DDX60L: variants seen among roughly 807,000 people sequenced by gnomAD.
DDX60L encodes the protein DExD/H-box 60 like.
DDX60L carries 191 observed loss-of-function variants against 211.6 expected under a neutral mutation model. The ratio of observed to expected loss-of-function variants is 0.90; its 90% CI spans 0.80 to 1.02. The LOEUF is 1.02. Among genes scored for constraint, DDX60L ranks in the 50% least tolerant of loss-of-function variants. The pLI is 0.00. For synonymous variants in DDX60L, 706 were observed against 694.1 expected, an observed-to-expected ratio of 1.02 and a Z score of -0.27; for missense variants, 2,007 against 1,984.1, an observed-to-expected ratio of 1.01 and a Z score of -0.22.
In DDX60L at chr4:168,456,066, T is replaced by G; in HGVS notation, c.810A>C (p.Leu270=). ...AGACACGATGGTACATTCTCAAGGA[T>G]AGTGAACATGAAGTGACACAGAGAA... The part of the protein sequence containing the change: ...QRVLCVTSCS[L]SLRMYHRVLV... The change falls in exon 7 of 38, where the codon CTA becomes CTC. Residue 270 remains leucine, a synonymous_variant. Transcript: ENST00000682922. 6.3e-7 allele frequency: 1 copy of G among 1,595,152 alleles called. No homozygotes were observed.
rs1753828817 is a variant in DDX60L, at chr4:168,441,476, C to A, written c.1155G>T (p.Leu385Phe). The change falls in exon 10 of 38, where the codon TTG becomes TTT. Residue 385 changes from leucine (L) to phenylalanine (F), a missense_variant. Leu to Phe is a conservative substitution (Grantham distance 22). Transcript: ENST00000682922. ...CATAATCCCTCCTAATGGAATCTCCCAAATTCAAATGTGGTTCTGCATAAC... is the reference window on the plus strand; with the variant it reads ...CATAATCCCTCCTAATGGAATCTCCAAAATTCAAATGTGGTTCTGCATAAC... Reference protein sequence around the residue: ...FESTQEPHLNLGDSIRRDYED... With the variant: ...FESTQEPHLNFGDSIRRDYED... 1 of 1,599,544 alleles carries A rather than the reference C, an allele frequency of 6.3e-7. No homozygotes were observed. The highest frequency in any genetic ancestry group is 8.5e-7 in the Non-Finnish European group (1 of 1,173,388).
At chr4:168,358,376 A>G in intron 37 of DDX60L, 100 bp from the exon 38 acceptor site, 2 of 854,940 alleles carry the variant, frequency 2.3e-6, no homozygotes, top group Non-Finnish European at 3.5e-6. Context: ...CCCAAAATCT[A>G]TCAGATGTAA....
rs1301008925 is a variant in DDX60L at position 168,375,401 on chromosome 4, G to A, written c.4609C>T (p.His1537Tyr). ...CTGATTCTTGACAAAGGGAGTTGAT[G>A]CTCTTTTTTCATGTTCACCGACTTG... ...ASKSVNMKKEHQLPLSRIKFT... is the reference protein window; with the variant it reads ...ASKSVNMKKEYQLPLSRIKFT... Residue 1537 changes from histidine (H) to tyrosine (Y), a missense_variant, in exon 34 of 38, where the codon CAT (histidine) becomes TAT (tyrosine). By Grantham distance (83) the His-to-Tyr change is moderately conservative. Coordinates refer to ENST00000682922, the MANE Select transcript of DDX60L (RefSeq NM_001012967.3). 5 of 1,612,484 alleles carry A rather than the reference G, an allele frequency of 3.1e-6. 1 individual carries two copies. The Admixed American group carries it at 5.0e-5, about 16-fold the overall frequency.
At chr4:168,449,626 AAAC>A (rs1305598967) in intron 8 of DDX60L, among the ~76,000 whole-genome samples, 9 of 57,114 alleles carry the variant, frequency 1.6e-4, no homozygotes, top group African/African-American at 3.8e-4. Context: ...AAAAAAAAAA[AAAC>A]ATTAAAACAA....
rs187084475 is a variant in DDX60L, at chr4:168,364,511, A to G, written c.4929-3300T>C. 8.5e-5 allele frequency among the ~76,000 whole-genome samples: 13 copies of G among 152,298 alleles called. No homozygotes were observed. In the East Asian group the frequency reaches 2.5e-3, roughly 29 times the overall value. ...CATCCAGGCGAAAAAATAACAAGGA[A>G]TCATCAGAATTAAACTGCACCATAG... On this transcript the variant is annotated intron_variant, in intron 36 of 37. Coordinates refer to ENST00000682922, the MANE Select transcript of DDX60L (RefSeq NM_001012967.3).
At chr4:168,421,986 C>G (rs1579536810) in intron 16 of DDX60L, 77 bp from the exon 17 acceptor site, 1 of 1,566,342 alleles carries the variant, frequency 6.4e-7, no homozygotes, top group East Asian at 2.2e-5. Flanking sequence ...TCCTTTGTAC[C>G]TTCTGTCTCC....
At chr4:168,416,862 T>C in intron 19 of DDX60L, 65 bp from the exon 20 acceptor site, 2 of 878,418 alleles carry the variant, frequency 2.3e-6, no homozygotes, top group South Asian at 3.5e-5. Context: ...AATAGAAGCA[T>C]AAAATCATCA....
At chr4:168,367,707 C>T (rs1323698636) in intron 36 of DDX60L, among the ~76,000 whole-genome samples, 1 of 152,172 alleles carries the variant, frequency 6.6e-6, no homozygotes, top group African/African-American at 2.4e-5. Context: ...TGCTGAATGG[C>T]TTTGCCCAAA....
intron 7 of DDX60L, among the ~76,000 whole-genome samples, chr4:168,454,076 G>C (rs747881605): frequency 1.3e-5 from 2 of 152,006 alleles, no homozygotes; most frequent in Non-Finnish European, 2.9e-5. Context: ...CCTATGATGG[G>C]TGCTATTCAC....
At chr4:168,426,584 C>A (rs552187800) in intron 14 of DDX60L, among the ~76,000 whole-genome samples, 8 of 152,336 alleles carry the variant, frequency 5.3e-5, no homozygotes, top group African/African-American at 1.7e-4. Context: ...TCCTTCCAAG[C>A]CTGTTCACTA....
rs1174794603 is a variant in DDX60L at position 168,447,749 on chromosome 4, T to C, written c.1138+889A>G. Reference sequence around the variant, plus strand: ...GTAGGGACATGGATGAAATTGGAAATCATCATTCTCAGTAAACTATCGCAA... The same window carrying C: ...GTAGGGACATGGATGAAATTGGAAACCATCATTCTCAGTAAACTATCGCAA... On this transcript the variant is annotated intron_variant, in intron 9 of 37. Coordinates refer to ENST00000682922, the MANE Select transcript of DDX60L (RefSeq NM_001012967.3). 6.6e-5 allele frequency among the ~76,000 whole-genome samples: 10 copies of C among 151,362 alleles called. 1 individual carries two copies. The South Asian group carries it at 1.7e-3, about 25-fold the overall frequency.
intron 1 of DDX60L, among the ~76,000 whole-genome samples, chr4:168,474,366 C>A (rs1490475587): frequency 6.6e-6 from 1 of 151,728 alleles, no homozygotes; most frequent in Non-Finnish European, 1.5e-5. Flanking sequence ...AAGTAAGGAT[C>A]GTCAGATATA....
At chr4:168,480,064 T>C (rs1760224300) in intron 1 of DDX60L, 1 of 151,476 alleles carries the variant, frequency 6.6e-6, no homozygotes, top group African/African-American at 2.4e-5. Context: ...CAGGTTCGAA[T>C]GGCTGTGCTC....
At chr4:168,383,459 G>T (rs1368614341) in intron 30 of DDX60L, among the ~76,000 whole-genome samples, 2 of 152,130 alleles carry the variant, frequency 1.3e-5, no homozygotes, top group Admixed American at 1.3e-4. Flanking sequence ...GACAAGAAGT[G>T]GGCTGATACA....
intron 4 of DDX60L, among the ~76,000 whole-genome samples, chr4:168,466,172 A>C (rs931250457): frequency 2.6e-5 from 4 of 152,162 alleles, no homozygotes; most frequent in African/African-American, 9.7e-5. Context: ...GAGTAAGGAA[A>C]ATCCAAGAGA....
At chr4:168,475,651 A>T (rs1027162444) in intron 1 of DDX60L, among the ~76,000 whole-genome samples, 8 of 54,066 alleles carry the variant, frequency 1.5e-4, no homozygotes, top group African/African-American at 2.8e-4. Context: ...TATCATTTAT[A>T]AAAAAAAAAA....
At chr4:168,383,314 T>C (rs1743282834) in intron 30 of DDX60L, among the ~76,000 whole-genome samples, 2 of 152,210 alleles carry the variant, frequency 1.3e-5, no homozygotes, top group African/African-American at 2.4e-5. Context: ...TGAAAAATAC[T>C]GGGGCAAAAT....
chr4:168,450,519 A>C (rs866775035), intron 8 of DDX60L, among the ~76,000 whole-genome samples: 5 of 152,158 alleles, frequency 3.3e-5, no homozygotes, highest in Non-Finnish European at 7.4e-5. Context: ...AACTCCAAGG[A>C]AAGAGTTGCC....
chr4:168,378,473 A>G lies in DDX60L; in HGVS notation c.4366T>C (p.Ser1456Pro). 1.9e-6 allele frequency: 3 copies of G among 1,558,536 alleles called. No individual in the cohort carries two copies. Among genetic ancestry groups the G allele is most frequent in the Non-Finnish European group, 2.6e-6 (3 of 1,150,696 alleles). Residue 1456 changes from serine to proline, a missense_variant and splice_region_variant, in exon 33 of 38, where the codon TCA (serine) becomes CCA (proline). Transcript: ENST00000682922. ...HNLCKPAWKG[S>P]QQFSQDVMEK... ...ATCACATCTTGGGAAAATTGTTGTG[A>G]GCCTATTGAAATAAAGAGCATTATT...
Sources: allele counts gnomAD v4.1 joint callset (sites outside exome capture counted in the v4.1 genomes callset), GRCh38; gene constraint gnomAD v4.1.1; transcripts MANE v1.5; gene names NCBI Gene and HGNC (gene_info 2026-07-23, HGNC 2026-07-21).